ZNF292: variants seen among roughly 807,000 people sequenced by gnomAD.
The protein encoded by ZNF292 is 16 zinc-finger domain protein.
ZNF292 carries 26 observed loss-of-function variants against 217.9 expected under a neutral mutation model. The ratio of observed to expected loss-of-function variants is 0.12; its 90% CI spans 0.09 to 0.17. ZNF292 has a LOEUF of 0.17. ZNF292 is among the 10% of genes least tolerant of loss of function. The pLI, the probability that ZNF292 is intolerant of heterozygous loss-of-function variation, is 1.00. For missense variants in ZNF292, 2,904 were observed against 3,175.2 expected, an observed-to-expected ratio of 0.91 and a Z score of 2.05; for synonymous variants, 1,257 against 1,124.1, an observed-to-expected ratio of 1.12 and a Z score of -2.37.
chr6:87,183,537 A>G lies in ZNF292; in HGVS notation c.168+27778A>G, dbSNP rs574583223. Among the ~76,000 whole-genome samples the G allele has an allele frequency of 3.3e-5, 5 of 152,308 alleles. No individual in the cohort carries two copies. In the South Asian group the frequency reaches 1.0e-3, roughly 32 times the overall value. ...AAAATCCCTAATGTCTGAAATCCCAAAGGATTGAAATTCCATTAATTCTGG... is the reference window on the plus strand; with the variant it reads ...AAAATCCCTAATGTCTGAAATCCCAGAGGATTGAAATTCCATTAATTCTGG... On this transcript the variant is annotated intron_variant, in intron 1 of 7. Coordinates refer to ENST00000369577, the MANE Select transcript of ZNF292 (RefSeq NM_015021.3).
rs1349320469 is a variant in ZNF292 at position 87,265,203 on chromosome 6, C to T, written c.*3402C>T. Reference sequence around the variant, plus strand: ...GATCTCGGCTTACTGCAACTTCTGCCTCCCAAGTTCAAGTGATTCTCCTGC... The same window carrying T: ...GATCTCGGCTTACTGCAACTTCTGCTTCCCAAGTTCAAGTGATTCTCCTGC... On this transcript the variant is annotated 3_prime_UTR_variant, in exon 8 of 8. Transcript: ENST00000369577. 6.6e-6 allele frequency among the ~76,000 whole-genome samples: 1 copy of T among 151,996 alleles called. No individual in the cohort carries two copies. The highest frequency in any genetic ancestry group is 1.5e-5 in the Non-Finnish European group (1 of 67,998).
Position 87,216,019 on chromosome 6 carries a change from A to G in ZNF292, c.285A>G (p.Glu95=), listed in dbSNP as rs926871956. 2 of 1,577,668 alleles carry G rather than the reference A, an allele frequency of 1.3e-6. No individual in the cohort carries two copies. The highest frequency in any genetic ancestry group is 1.7e-6 in the Non-Finnish European group (2 of 1,168,088). Residue 95 remains glutamate, a synonymous_variant, in exon 2 of 8, where the codon GAA becomes GAG. Coordinates refer to ENST00000369577, the MANE Select transcript of ZNF292 (RefSeq NM_015021.3). ...AAGCCCGACCTTATCTTACCTCTGA[A>G]TGTGAAAATGTAGCCTTGGTTCTGG... ...YVKARPYLTS[E]CENVALVLER...
chr6:87,178,905 C>T (rs1430620958), intron 1 of ZNF292, among the ~76,000 whole-genome samples: 2 of 151,786 alleles, frequency 1.3e-5, no homozygotes, highest in African/African-American at 2.4e-5. Flanking sequence ...AGCATTTTAC[C>T]CTTGTGGAGG....
chr6:87,230,886 T>C (rs1456053911), intron 4 of ZNF292, among the ~76,000 whole-genome samples: 1 of 152,186 alleles, frequency 6.6e-6, no homozygotes, highest in Non-Finnish European at 1.5e-5. Flanking sequence ...AAAGCCTGCT[T>C]TTCTGTTGAA....
rs1775757118 is a variant in ZNF292, at chr6:87,264,719, A to G, written c.*2918A>G. 6.6e-6 allele frequency among the ~76,000 whole-genome samples: 1 copy of G among 152,184 alleles called. No homozygotes were observed. Among genetic ancestry groups the G allele is most frequent in the Admixed American group, 6.5e-5 (1 of 15,268 alleles). On this transcript the variant is annotated 3_prime_UTR_variant, in exon 8 of 8. Coordinates refer to ENST00000369577, the MANE Select transcript of ZNF292 (RefSeq NM_015021.3). ...GAAGAAGGTGAAGCTGAAGAAGCAG[A>G]TGGGTGGTGGGATCAGGAGTGTTCT...
intron 1 of ZNF292, among the ~76,000 whole-genome samples, chr6:87,186,760 A>G (rs919534349): frequency 6.6e-6 from 1 of 152,230 alleles, no homozygotes; most frequent in African/African-American, 2.4e-5. Flanking sequence ...CAGGCAGGGA[A>G]GTACAGGTGA....
intron 5 of ZNF292, among the ~76,000 whole-genome samples, chr6:87,242,325 G>A (rs1014802272): frequency 2.0e-5 from 3 of 151,992 alleles, no homozygotes; most frequent in East Asian, 1.9e-4. Flanking sequence ...TTGAACACAC[G>A]ATTTTTTTTT....
intron 4 of ZNF292, chr6:87,222,851 C>G (rs757297352): frequency 2.2e-6 from 1 of 452,566 alleles, no homozygotes; most frequent in South Asian, 1.6e-5. Context: ...TTCAGACTTT[C>G]CTTGTTTTTG....
chr6:87,173,927 G>T, intron 1 of ZNF292: 1 of 191,604 alleles, frequency 5.2e-6, no homozygotes. Flanking sequence ...CTGACTAGAA[G>T]ACACTTTGTT....
intron 1 of ZNF292, among the ~76,000 whole-genome samples, chr6:87,159,264 C>G (rs941690418): frequency 1.3e-5 from 2 of 152,010 alleles, no homozygotes; most frequent in African/African-American, 2.4e-5. Flanking sequence ...CCACCTGCCC[C>G]CCCTTTGCTT....
chr6:87,193,371 A>G (rs955329427), intron 1 of ZNF292, among the ~76,000 whole-genome samples: 3 of 151,854 alleles, frequency 2.0e-5, no homozygotes, highest in African/African-American at 7.3e-5. Context: ...ATGACGAAAA[A>G]CATTTCTATC....
At chr6:87,171,355 G>A (rs1353977038) in intron 1 of ZNF292, among the ~76,000 whole-genome samples, 3 of 151,636 alleles carry the variant, frequency 2.0e-5, no homozygotes, top group Non-Finnish European at 4.4e-5. Flanking sequence ...TCCAACTCTG[G>A]CACTTCCTGA....
In ZNF292 at chr6:87,259,878, G is replaced by A. The variant is rs1775465563; in HGVS notation, c.6249G>A (p.Arg2083=). 1.2e-6 allele frequency: 2 copies of A among 1,613,296 alleles called. No individual in the cohort carries two copies. The highest frequency in any genetic ancestry group is 2.7e-5 in the African/African-American group (2 of 74,856). The part of the protein sequence containing the change: ...TNTQTKGRKI[R]RHKKEKEEKK... ...CACAAACCAAAGGACGGAAGATTAG[G>A]AGGCATAAAAAAGAAAAGGAGGAGA... Residue 2083 remains arginine (R), a synonymous_variant, in exon 8 of 8, where the codon AGG becomes AGA. Coordinates refer to ENST00000369577, the MANE Select transcript of ZNF292 (RefSeq NM_015021.3).
At position 87,264,235 on chromosome 6, in the gene ZNF292, A is replaced by C. The variant is rs1025637443; in HGVS notation, c.*2434A>C. ...CCTATTGTCTTGAGATATCTTCTAC[A>C]GCCTAAATTTGCTAAAGTTTCATCA... On this transcript the variant is annotated 3_prime_UTR_variant, in exon 8 of 8. Transcript: ENST00000369577. The C allele has an allele frequency of 2.6e-5, 4 of 152,206 alleles. No individual in the cohort carries two copies. Among genetic ancestry groups the C allele is most frequent in the Non-Finnish European group, 5.9e-5 (4 of 68,042 alleles). 9.4% of individuals were successfully genotyped at this position (152,206 alleles called of 1,614,324 possible). A position where few individuals can be genotyped will look rare whatever the true frequency, so the allele number is the denominator to read the frequency against.
chr6:87,219,933 C>G (rs1199380945), intron 4 of ZNF292, among the ~76,000 whole-genome samples: 3 of 152,134 alleles, frequency 2.0e-5, no homozygotes, highest in African/African-American at 7.2e-5. Context: ...TCAAGTGATC[C>G]TTTCAGCCTC....
At chr6:87,184,363 G>T (rs531084827) in intron 1 of ZNF292, among the ~76,000 whole-genome samples, 2 of 151,986 alleles carry the variant, frequency 1.3e-5, no homozygotes, top group Non-Finnish European at 2.9e-5. Flanking sequence ...TTATTGTTTG[G>T]CCATTGCAAT....
chr6:87,193,506 C>G (rs1269039776), intron 1 of ZNF292, among the ~76,000 whole-genome samples: 2 of 151,440 alleles, frequency 1.3e-5, no homozygotes, highest in African/African-American at 4.9e-5. Context: ...CACCACTGCA[C>G]TCCAGCCTGG....
At position 87,256,926 on chromosome 6, in the gene ZNF292, C is replaced by T. The variant is rs1426352356; in HGVS notation, c.3297C>T (p.Ser1099=). 4 of 1,613,726 alleles carry T rather than the reference C, an allele frequency of 2.5e-6. No individual in the cohort carries two copies. The African/African-American group carries it at 4.0e-5, about 16-fold the overall frequency. ...VPPKAPVQKF[S]CQVEGCTRTY... is the part of the protein sequence containing the mutation. ...CAAAAGCTCCAGTTCAGAAATTCAGCTGCCAGGTCGAGGGATGTACTCGAA... is the reference window on the plus strand; with the variant it reads ...CAAAAGCTCCAGTTCAGAAATTCAGTTGCCAGGTCGAGGGATGTACTCGAA... The change falls in exon 8 of 8, where the codon AGC becomes AGT. Residue 1099 remains serine, a synonymous_variant. Transcript: ENST00000369577.
chr6:87,254,544 A>G (rs550622283), intron 7 of ZNF292, 106 bp from the exon 8 acceptor site: 3 of 1,082,288 alleles, frequency 2.8e-6, no homozygotes, highest in East Asian at 2.4e-5. Flanking sequence ...ATAAGTTGCT[A>G]TTGCAAGATT....
Sources: gnomAD v4.1 joint callset for allele counts (sites outside exome capture counted in the v4.1 genomes callset) on GRCh38, gnomAD v4.1.1 for gene constraint, MANE v1.5 for transcripts, NCBI Gene and HGNC (gene_info 2026-07-23, HGNC 2026-07-21) for gene names.